The following TCF12 variants were observed in gnomAD, a reference collection of about 807,000 sequenced individuals.
The protein encoded by TCF12 is transcription factor 12, also known as DNA-binding protein HTF4.
Under a neutral mutation model 86.0 loss-of-function variants are expected in TCF12, and 45 were observed. The ratio of observed to expected loss-of-function variants is 0.52; its 90% CI spans 0.41 to 0.67. The LOEUF is 0.67. Ranked by LOEUF, TCF12 falls within the 30% of genes least tolerant of loss-of-function variation. TCF12 has a pLI of 0.00. For synonymous variants in TCF12, 330 were observed against 299.6 expected (o/e 1.10, Z -1.05); for missense variants, 881 against 859.9 (o/e 1.02, Z -0.31).
At chr15:57,100,861 A>T (rs1465312218) in intron 5 of TCF12, among the ~76,000 whole-genome samples, 2 of 152,220 alleles carry the variant, frequency 1.3e-5, no homozygotes, top group African/African-American at 2.4e-5. Context: ...TTGAAAGCAT[A>T]TACTGAATTG....
At chr15:56,931,898 G>C (rs1207657590) in intron 3 of TCF12, among the ~76,000 whole-genome samples, 1 of 152,184 alleles carries the variant, frequency 6.6e-6, no homozygotes, top group Non-Finnish European at 1.5e-5. Context: ...ACTGTTGCTA[G>C]TGTTATTGTC....
At chr15:57,187,145 C>T (rs1240493885) in intron 6 of TCF12, among the ~76,000 whole-genome samples, 1 of 149,588 alleles carries the variant, frequency 6.7e-6, no homozygotes, top group Non-Finnish European at 1.5e-5. Flanking sequence ...TACCACTGCA[C>T]TCCAGCCTGA....
chr15:56,941,699 T>A (rs537899311), intron 3 of TCF12, among the ~76,000 whole-genome samples: 12 of 151,428 alleles, frequency 7.9e-5, no homozygotes, highest in South Asian at 4.2e-4. Flanking sequence ...TTTTTTTTTT[T>A]ATTAGGAATT....
intron 5 of TCF12, among the ~76,000 whole-genome samples, chr15:57,145,737 TTCTC>T (rs1341689402): frequency 1.6e-4 from 24 of 152,310 alleles, no homozygotes; most frequent in African/African-American, 5.5e-4. Context: ...CTGTTCCTGA[TTCTC>T]TCTTTCTTTG....
In TCF12 at chr15:57,072,586, G is replaced by A. The variant is rs898997132; in HGVS notation, c.222+8763G>A. 2.4e-5 allele frequency: 26 copies of A among 1,089,768 alleles called. No homozygotes were observed. In the African/African-American group the frequency reaches 3.8e-4, roughly 16 times the overall value. 67.5% of individuals were successfully genotyped at this position (1,089,768 alleles called of 1,614,324 possible). The stretch of plus-strand genomic sequence containing the variant: ...GGTATACATTTTATAGCTACTAGGA[G>A]TTCAAATACAGTAATTAGAAAGGAC... On this transcript the variant is annotated intron_variant, in intron 4 of 20. Transcript: ENST00000333725.
Position 57,130,521 on chromosome 15 carries a change from C to T in TCF12, c.326-35881C>T, listed in dbSNP as rs147366742. 4.3e-3 allele frequency among the ~76,000 whole-genome samples: 654 copies of T among 152,198 alleles called. 8 individuals carry two copies. The highest frequency in any genetic ancestry group is 0.024 in the Admixed American group (361 of 15,292). On this transcript the variant is annotated intron_variant, in intron 5 of 20. Transcript: ENST00000333725. ...TTGCAAACTCAGATACTCTAGAGTGCATTATCAGGGGACCAGCTGAGGAAT... is the reference window on the plus strand; with the variant it reads ...TTGCAAACTCAGATACTCTAGAGTGTATTATCAGGGGACCAGCTGAGGAAT...
intron 5 of TCF12, among the ~76,000 whole-genome samples, chr15:57,117,311 G>C (rs1422458479): frequency 1.3e-5 from 2 of 152,030 alleles, no homozygotes; most frequent in African/African-American, 4.8e-5. Context: ...CTGATTACAG[G>C]CATGAGCCAC....
intron 11 of TCF12, among the ~76,000 whole-genome samples, 190 bp downstream of exon 11, chr15:57,233,046 A>G (rs12913751): frequency 1.4e-5 from 2 of 144,816 alleles, no homozygotes; most frequent in Admixed American, 7.1e-5. Flanking sequence ...TATGTTATAT[A>G]TGTATATGTG....
intron 5 of TCF12, among the ~76,000 whole-genome samples, chr15:57,128,809 C>G (rs185461816): frequency 6.6e-6 from 1 of 152,172 alleles, no homozygotes; most frequent in Admixed American, 6.5e-5. Flanking sequence ...GTGACTGACT[C>G]TTTTTACTTA....
chr15:57,186,287 C>G (rs533214698), intron 6 of TCF12, among the ~76,000 whole-genome samples: 7 of 152,108 alleles, frequency 4.6e-5, no homozygotes, highest in Non-Finnish European at 7.4e-5. Flanking sequence ...TCACTTGAGC[C>G]CTGGCGTTCA....
At chr15:57,067,720 A>T (rs1317397553) in intron 4 of TCF12, among the ~76,000 whole-genome samples, 1 of 152,022 alleles carries the variant, frequency 6.6e-6, no homozygotes, top group African/African-American at 2.4e-5. Flanking sequence ...TGGTTTCTGC[A>T]CTCTTCATCT....
rs1457811979 is a variant in TCF12, at chr15:57,181,647, C to T, written c.391-10511C>T. On this transcript the variant is annotated intron_variant, in intron 6 of 20. Transcript: ENST00000333725. ...CCAAAGCTTACACTCATCAAGTTCA[C>T]ATCTGGAAATTAAGCTGTTTCTTAC... Among the ~76,000 whole-genome samples, 12 of 152,134 alleles carry T rather than the reference C, an allele frequency of 7.9e-5. 1 individual carries two copies. Among genetic ancestry groups the T allele is most frequent in the Admixed American group, 5.2e-4 (8 of 15,266 alleles).
intron 8 of TCF12, among the ~76,000 whole-genome samples, chr15:57,228,675 G>A (rs2058996667): frequency 1.3e-5 from 2 of 151,890 alleles, no homozygotes; most frequent in Admixed American, 6.6e-5. Context: ...ATTTAGCAGC[G>A]ATTTGTAAAT....
Position 57,232,393 on chromosome 15 carries a change from C to A in TCF12, c.788C>A (p.Ser263Tyr). The change falls in exon 10 of 21, where the codon TCC becomes TAC. Residue 263 changes from serine (S) to tyrosine (Y), a missense_variant. Physicochemically the swap from Ser to Tyr is moderately radical, Grantham distance 144. This residue lies in a region of TCF12 where 766 missense variants were observed against 718.9 expected (regional missense o/e 1.07). Transcript: ENST00000333725. ...LGTSTSHMSQ[S>Y]SSYGNLHSHD... ...ACCTCCACTTCCCACATGTCTCAAT[C>A]CAGTAGTTATGGCAACCTTCATTCA... 1 of 1,611,502 alleles carries A rather than the reference C, an allele frequency of 6.2e-7. No homozygotes were observed. The highest frequency in any genetic ancestry group is 8.5e-7 in the Non-Finnish European group (1 of 1,179,264).
chr15:57,148,839 G>A (rs1008222899), intron 5 of TCF12, among the ~76,000 whole-genome samples: 9 of 152,130 alleles, frequency 5.9e-5, no homozygotes, highest in Non-Finnish European at 1.0e-4. Context: ...CTGTGCCACT[G>A]CACTGCAGCC....
intron 8 of TCF12, among the ~76,000 whole-genome samples, chr15:57,216,146 G>A (rs1242943734): frequency 6.6e-6 from 1 of 152,072 alleles, no homozygotes. Context: ...TAACATTTGG[G>A]AGGAAAAGCC....
chr15:57,203,023 A>T (rs1378825327), intron 8 of TCF12, among the ~76,000 whole-genome samples: 1 of 152,358 alleles, frequency 6.6e-6, no homozygotes, highest in South Asian at 2.1e-4. Context: ...ATAAAAAAGG[A>T]TAAGTATTAT....
chr15:57,053,745 A>G (rs1417159408), intron 3 of TCF12, among the ~76,000 whole-genome samples: 3 of 152,062 alleles, frequency 2.0e-5, no homozygotes, highest in Non-Finnish European at 4.4e-5. Context: ...ATCAGCCCCC[A>G]GTTGCCTGAA....
chr15:57,205,740 TTTATGCTGACAGTAACC>T (rs2057778863), intron 8 of TCF12, among the ~76,000 whole-genome samples: 2 of 152,346 alleles, frequency 1.3e-5, no homozygotes, highest in South Asian at 4.1e-4. Context: ...GTAGCCACTG[TTTATGCTGACAGTAACC>T]ACTGTTCAGA....
Sources: gnomAD v4.1 joint callset for allele counts (sites outside exome capture counted in the v4.1 genomes callset) on GRCh38, gnomAD v4.1.1 for gene constraint, gnomAD v4.1.1 regional missense constraint, MANE v1.5 for transcripts, NCBI Gene and HGNC (gene_info 2026-07-23, HGNC 2026-07-21) for gene names.